The following IGSF22 variants were observed in gnomAD, a reference collection of about 807,000 sequenced individuals.
IGSF22 encodes immunoglobulin superfamily member 22, also known as immunoglobulin superfamily, member 22.
IGSF22 carries 119 observed loss-of-function variants against 127.0 expected under a neutral mutation model. The observed-to-expected ratio is 0.94, with a 90% CI of 0.81 to 1.09. The LOEUF is 1.09. Ranked by LOEUF, IGSF22 falls within the 50% of genes least tolerant of loss-of-function variation. The pLI, the probability that IGSF22 is intolerant of heterozygous loss-of-function variation, is 0.00. For missense variants in IGSF22, 1,518 were observed against 1,716.6 expected (o/e 0.88, Z 2.04); for synonymous variants, 568 against 664.7 (o/e 0.85, Z 2.24).
Position 18,724,099 on chromosome 11 carries a change from G to A in IGSF22, c.109+29C>T, listed in dbSNP as rs79222020. ...TGGAGGAAGAATAGCTGCCCTTCCC[G>A]ATCCCTTCCCTGCCCCCATTCCACT... is the stretch of plus-strand genomic sequence containing the variant. On this transcript the variant is annotated intron_variant, in intron 2 of 22. Transcript: ENST00000513874. 1,730 of 1,564,458 alleles carry A rather than the reference G, an allele frequency of 1.1e-3. 27 individuals carry two copies. The East Asian group carries it at 0.033, about 30-fold the overall frequency.
In IGSF22 at chr11:18,717,935, C is replaced by T; in HGVS notation, c.969G>A (p.Val323=). 1.9e-6 allele frequency: 3 copies of T among 1,613,556 alleles called. No homozygotes were observed. The highest frequency in any genetic ancestry group is 2.5e-6 in the Non-Finnish European group (3 of 1,179,608). Residue 323 remains valine (V), a synonymous_variant, in exon 9 of 23, where the codon GTG becomes GTA. Transcript: ENST00000513874. ...GDKRMSAELT[V]LDEPLKFLGE... is the part of the protein sequence containing the mutation. The stretch of plus-strand genomic sequence containing the variant: ...CTTGCATGCCCCCACTCATACCCAG[C>T]ACTGTGAGCTCTGCACTCATCCGCT...
Position 18,714,403 on chromosome 11 carries a change from C to T in IGSF22, c.1672G>A (p.Gly558Ser). 1 of 1,614,054 alleles carries T rather than the reference C, an allele frequency of 6.2e-7. No individual in the cohort carries two copies. Among genetic ancestry groups the T allele is most frequent in the Non-Finnish European group, 8.5e-7 (1 of 1,179,886 alleles). Reference sequence around the variant, plus strand: ...GCACCCTGCTTCACAATCTGCATGCCTGGCAAGTCCGTGATCTGGGGGTCA... The same window carrying T: ...GCACCCTGCTTCACAATCTGCATGCTTGGCAAGTCCGTGATCTGGGGGTCA... ...KDGKEITDLP[G>S]MQIVKQGAVH... Residue 558 changes from glycine (G) to serine (S), a missense_variant, in exon 13 of 23, where the codon GGC becomes AGC. Gly to Ser is a moderately conservative substitution (Grantham distance 56). Transcript: ENST00000513874.
Position 18,707,059 on chromosome 11 carries a change from T to A in IGSF22, c.3435A>T (p.Ala1145=), listed in dbSNP as rs1259824199. ...RDASTATWYT[A]AERVFSNKYT... is the part of the protein sequence containing the mutation. ...ACTTGTTGCTGAAGACACGCTCGGC[T>A]GCCGTGTACCAGGTGGCTGTGCTTG... The change falls in exon 21 of 23, where the codon GCA becomes GCT. Residue 1145 remains alanine (A), a synonymous_variant. Coordinates refer to ENST00000513874, the MANE Select transcript of IGSF22 (RefSeq NM_173588.4). The A allele has an allele frequency of 2.5e-5, 39 of 1,551,628 alleles. No individual in the cohort carries two copies. Among genetic ancestry groups the A allele is most frequent in the Middle Eastern group, 1.7e-4 (1 of 6,014 alleles).
Position 18,706,158 on chromosome 11 carries a change from G to A in IGSF22, c.3581-12C>T. 6 of 1,529,166 alleles carry A rather than the reference G, an allele frequency of 3.9e-6. No homozygotes were observed. The highest frequency in any genetic ancestry group is 1.4e-5 in the African/African-American group (1 of 72,818). 94.7% of individuals were successfully genotyped at this position (1,529,166 alleles called of 1,614,324 possible). On this transcript the variant is annotated splice_polypyrimidine_tract_variant and intron_variant, in intron 21 of 22. Coordinates refer to ENST00000513874, the MANE Select transcript of IGSF22 (RefSeq NM_173588.4). ...GCTCAGGTCCTGGACTGCGCGGGCG[G>A]GGCGGGGCAGGCCGTGAGGGCGCCC...
intron 4 of IGSF22, among the ~76,000 whole-genome samples, chr11:18,721,098 G>T (rs1848562686): frequency 6.6e-6 from 1 of 152,170 alleles, no homozygotes; most frequent in South Asian, 2.1e-4. Flanking sequence ...CCTTGGGGAG[G>T]GTTCAGCTGA....
chr11:18,711,554 C>G (rs748891129), intron 15 of IGSF22, among the ~76,000 whole-genome samples: 1 of 152,242 alleles, frequency 6.6e-6, no homozygotes, highest in Non-Finnish European at 1.5e-5. Flanking sequence ...CCCGCCACCA[C>G]ACCCAGCTAA....
rs535811607 is a variant in IGSF22, at chr11:18,716,075, C to T, written c.1247-359G>A. On this transcript the variant is annotated intron_variant, in intron 10 of 22. Transcript: ENST00000513874. This position sits in a 1 kb window ranked among gnomAD's most constrained non-coding sequence, Gnocchi z 4.5. ...TGGACATTTATACATGCTATTACCTCTGCTGGGGATGTTCTCTACTCTCCC... is the reference window on the plus strand; with the variant it reads ...TGGACATTTATACATGCTATTACCTTTGCTGGGGATGTTCTCTACTCTCCC... Among the ~76,000 whole-genome samples the T allele has an allele frequency of 1.3e-5, 2 of 152,202 alleles. No individual in the cohort carries two copies. The highest frequency in any genetic ancestry group is 2.9e-5 in the Non-Finnish European group (2 of 68,028).
Position 18,709,917 on chromosome 11 carries a change from C to T in IGSF22, c.2702-234G>A, listed in dbSNP as rs570509050. On this transcript the variant is annotated intron_variant, in intron 17 of 22. Coordinates refer to ENST00000513874, the MANE Select transcript of IGSF22 (RefSeq NM_173588.4). The surrounding 1 kb of genome is among the most constrained non-coding windows in gnomAD (Gnocchi z 4.8). Reference sequence around the variant, plus strand: ...CTCAATACCCCTTAAATTCAACATACCCCACATATTCAAAGCTTCTGTATT... The same window carrying T: ...CTCAATACCCCTTAAATTCAACATATCCCACATATTCAAAGCTTCTGTATT... 6.6e-6 allele frequency among the ~76,000 whole-genome samples: 1 copy of T among 152,216 alleles called. No individual in the cohort carries two copies. The highest frequency in any genetic ancestry group is 2.1e-4 in the South Asian group (1 of 4,814).
At chr11:18,718,581 T>C (rs759084519) in intron 8 of IGSF22, 34 bp downstream of exon 8, 1 of 1,188,644 alleles carries the variant, frequency 8.4e-7, no homozygotes, top group Non-Finnish European at 1.3e-6. Flanking sequence ...GGAAGAGATA[T>C]TGCCAAGGTG....
At chr11:18,706,773 C>G in intron 21 of IGSF22, 141 bp downstream of exon 21, 2 of 676,858 alleles carry the variant, frequency 3.0e-6, no homozygotes, top group Non-Finnish European at 4.7e-6. Context: ...TTCCTTCTCT[C>G]CGCAGCGTCC....
In IGSF22 at chr11:18,708,210, G is replaced by C. The variant is rs1848283366; in HGVS notation, c.3084C>G (p.Phe1028Leu). 1.3e-6 allele frequency: 2 copies of C among 1,542,066 alleles called. No individual in the cohort carries two copies. The highest frequency in any genetic ancestry group is 1.8e-6 in the Non-Finnish European group (2 of 1,142,582). Residue 1028 changes from phenylalanine to leucine, a missense_variant, in exon 19 of 23, where the codon TTC (phenylalanine) becomes TTG (leucine). Physicochemically the swap from Phe to Leu is conservative, Grantham distance 22 (BLOSUM62 0). Transcript: ENST00000513874. ...AGTALCIHAA[F>L]SGSPPPDVIW... ...GTCAGGGTCAGGGACAACTCACAGA[G>C]AAGGCTGCATGGATGCAGAGGGCTG...
intron 1 of IGSF22, among the ~76,000 whole-genome samples, chr11:18,724,470 G>A (rs1848621189): frequency 6.6e-6 from 1 of 152,196 alleles, no homozygotes; most frequent in African/African-American, 2.4e-5. Context: ...CTCTCACTGA[G>A]TAACTCCAAA....
At chr11:18,719,308 C>CG (rs71443712) in intron 7 of IGSF22, among the ~76,000 whole-genome samples, 1 of 63,430 alleles carries the variant, frequency 1.6e-5, no homozygotes, top group East Asian at 4.6e-4. Context: ...CCACACCCAG[C>CG]GGTTTTTTTT....
chr11:18,715,330 A>T (rs4993024), intron 11 of IGSF22, 102 bp downstream of exon 11: 1 of 1,228,398 alleles, frequency 8.1e-7, no homozygotes, highest in Non-Finnish European at 1.2e-6. Flanking sequence ...CATGGTCTAC[A>T]GGAGGGTTGG....
intron 2 of IGSF22, 111 bp from the exon 3 acceptor site, chr11:18,722,152 A>G (rs1333974794): frequency 7.5e-7 from 1 of 1,325,896 alleles, no homozygotes; most frequent in East Asian, 2.3e-5. Context: ...AAGAGCATTT[A>G]GGGAAGTGGG....
Position 18,715,422 on chromosome 11 carries a change from C to T in IGSF22, c.1531+10G>A, listed in dbSNP as rs373386762. On this transcript the variant is annotated intron_variant, in intron 11 of 22. Coordinates refer to ENST00000513874, the MANE Select transcript of IGSF22 (RefSeq NM_173588.4). ...GATTGGTCAGTGGGGATTGATAGGG[C>T]GGGTGTTACCCTCCACAGTGACGAT... 4.8e-5 allele frequency: 77 copies of T among 1,600,054 alleles called. No individual in the cohort carries two copies. Among genetic ancestry groups the T allele is most frequent in the African/African-American group, 3.8e-4 (28 of 74,654 alleles).
At chr11:18,708,437 C>G in intron 18 of IGSF22, 142 bp from the exon 19 acceptor site, 1 of 597,548 alleles carries the variant, frequency 1.7e-6, no homozygotes, top group Non-Finnish European at 2.9e-6. Context: ...TGCCCTGCAA[C>G]CCTGTGAAGC....
At chr11:18,708,100 G>C in intron 19 of IGSF22, 104 bp from the exon 20 acceptor site, 2 of 1,526,990 alleles carry the variant, frequency 1.3e-6, no homozygotes, top group Non-Finnish European at 1.8e-6. Flanking sequence ...CGCACTAGGG[G>C]TCTGGTGAGG....
chr11:18,709,302 A>G lies in IGSF22; in HGVS notation c.2998+85T>C, dbSNP rs768244271. The G allele has an allele frequency of 1.8e-5, 25 of 1,412,184 alleles. No homozygotes were observed. Among genetic ancestry groups the G allele is most frequent in the Non-Finnish European group, 2.4e-5 (25 of 1,028,644 alleles). 87.5% of individuals were successfully genotyped at this position (1,412,184 alleles called of 1,614,324 possible). On this transcript the variant is annotated intron_variant, in intron 18 of 22. Coordinates refer to ENST00000513874, the MANE Select transcript of IGSF22 (RefSeq NM_173588.4). The surrounding 1 kb of genome is among the most constrained non-coding windows in gnomAD (Gnocchi z 4.8). ...TTTTTCATGATCCTAGCATCATCCAATTTTCCTGTGGGATGAGGCCCCAGA... is the reference window on the plus strand; with the variant it reads ...TTTTTCATGATCCTAGCATCATCCAGTTTTCCTGTGGGATGAGGCCCCAGA...
Sources: gnomAD v4.1 joint callset for allele counts (sites outside exome capture counted in the v4.1 genomes callset) on GRCh38, gnomAD v4.1.1 for gene constraint, Gnocchi (gnomAD v3.1) non-coding constraint, MANE v1.5 for transcripts, NCBI Gene and HGNC (gene_info 2026-07-23, HGNC 2026-07-21) for gene names.